ASB6: variants seen among roughly 807,000 people sequenced by gnomAD.
The protein encoded by ASB6 is ankyrin repeat and SOCS box containing 6, also known as ankyrin repeat and SOCS box protein 6.
In ASB6, 24 loss-of-function variants were observed where a neutral mutation model predicts 28.6. That is an observed-to-expected ratio of 0.84 (90% CI 0.61 to 1.18). ASB6 has a LOEUF of 1.18. ASB6 is among the 50% of genes most tolerant of loss of function. The probability of loss-of-function intolerance (pLI) is 0.00; values close to 1 mark genes in which losing one functional copy is unlikely to be tolerated. For missense variants in ASB6, 519 were observed against 559.8 expected, an observed-to-expected ratio of 0.93 and a Z score of 0.74; for synonymous variants, 267 against 243.4, an observed-to-expected ratio of 1.10 and a Z score of -0.90.
rs1302801309 is a variant in ASB6 at position 129,636,927 on chromosome 9, A to C, written c.*863T>G. The C allele has an allele frequency of 2.0e-5, 3 of 152,282 alleles. No individual in the cohort carries two copies. The highest frequency in any genetic ancestry group is 2.1e-4 in the South Asian group (1 of 4,830). The allele number at this position is 152,282 out of a possible 1,614,324, so 9.4% of individuals were successfully genotyped here. The stretch of plus-strand genomic sequence containing the variant: ...GAAAGTCAGTTTAATCTTATAATAT[A>C]AATATATCATTTAGTCACCTCAGCT... On this transcript the variant is annotated 3_prime_UTR_variant, in exon 6 of 6. Coordinates refer to ENST00000277458, the MANE Select transcript of ASB6 (RefSeq NM_017873.4).
rs1831599529 is a variant in ASB6 at position 129,638,067 on chromosome 9, A to G, written c.989T>C (p.Leu330Pro). The G allele has an allele frequency of 1.2e-6, 2 of 1,614,218 alleles. No individual in the cohort carries two copies. Among genetic ancestry groups the G allele is most frequent in the Non-Finnish European group, 1.7e-6 (2 of 1,180,040 alleles). ...ADLLRKAETV[L>P]DLMVTNSQKL... The stretch of plus-strand genomic sequence containing the variant: ...CTGAGAGTTGGTCACCATGAGATCC[A>G]GGACAGTCTCAGCTTTGCGCAGGAG... The change falls in exon 6 of 6, where the codon CTG (leucine) becomes CCG (proline). Residue 330 changes from leucine to proline, a missense_variant. Leu to Pro is a moderately conservative substitution (Grantham distance 98). Coordinates refer to ENST00000277458, the MANE Select transcript of ASB6 (RefSeq NM_017873.4).
chr9:129,641,481 A>G (rs1481087760), intron 1 of ASB6, among the ~76,000 whole-genome samples: 3 of 152,220 alleles, frequency 2.0e-5, no homozygotes, highest in Non-Finnish European at 4.4e-5. Context: ...CTGCAGGTCC[A>G]CGACAGACCA....
Position 129,635,788 on chromosome 9 carries a change from C to G in ASB6, c.*2002G>C, listed in dbSNP as rs935602332. The G allele has an allele frequency of 7.6e-6, 2 of 261,594 alleles. No individual in the cohort carries two copies. Among genetic ancestry groups the G allele is most frequent in the African/African-American group, 2.2e-5 (1 of 44,668 alleles). 16.2% of individuals were successfully genotyped at this position (261,594 alleles called of 1,614,324 possible). On this transcript the variant is annotated 3_prime_UTR_variant, in exon 6 of 6. Transcript: ENST00000277458. ...ATCAGTAACCGATTCCCTGGGCCTC[C>G]AGCCCGGCCTTCCAGCCATGGGCCT...
At position 129,641,873 on chromosome 9, in the gene ASB6, A is replaced by T. The variant is rs199666767; in HGVS notation, c.113+14T>A. ...GGAGCGGCCTCGGCCAGCTCACGGG[A>T]GGGGGTGAGTTACCGGTCCAGAGAC... On this transcript the variant is annotated intron_variant, in intron 1 of 5. Coordinates refer to ENST00000277458, the MANE Select transcript of ASB6 (RefSeq NM_017873.4). The T allele has an allele frequency of 1.9e-3, 2,990 of 1,579,906 alleles. 10 individuals are homozygous for T. The highest frequency in any genetic ancestry group is 3.2e-3 in the Admixed American group (184 of 56,820).
At chr9:129,639,069 C>G (rs1183719050) in intron 4 of ASB6, 133 bp downstream of exon 4, 18 of 887,546 alleles carry the variant, frequency 2.0e-5, no homozygotes, top group Non-Finnish European at 3.1e-5. Flanking sequence ...CCCTGTGTGC[C>G]CAGCCATGCT....
chr9:129,641,931 G>A lies in ASB6; in HGVS notation c.69C>T (p.Gly23=). 6.2e-7 allele frequency: 1 copy of A among 1,602,424 alleles called. No individual in the cohort carries two copies. Residue 23 remains glycine, a synonymous_variant, in exon 1 of 6, where the codon GGC becomes GGT. Coordinates refer to ENST00000277458, the MANE Select transcript of ASB6 (RefSeq NM_017873.4). The part of the protein sequence containing the change: ...EYQPLVDAIL[G]SLGIQDPERQ... Reference sequence around the variant, plus strand: ...GCTCGGGGTCCTGGATCCCCAGGGAGCCCAGAATCGCATCCACCAGCGGCT... The same window carrying A: ...GCTCGGGGTCCTGGATCCCCAGGGAACCCAGAATCGCATCCACCAGCGGCT...
In ASB6 at chr9:129,638,207, G is replaced by C. The variant is rs200686880; in HGVS notation, c.849C>G (p.Ser283=). Residue 283 remains serine (S), a synonymous_variant, in exon 6 of 6, where the codon TCC becomes TCG. Coordinates refer to ENST00000277458, the MANE Select transcript of ASB6 (RefSeq NM_017873.4). ...GCAGGGAGCAGTTGTAGGCGGCTCC[G>C]GACTCCAGGAGGAAGCGCAGGAGAG... is the stretch of plus-strand genomic sequence containing the variant. ...HFPLLRFLLE[S]GAAYNCSLHG... 2 of 1,613,324 alleles carry C rather than the reference G, an allele frequency of 1.2e-6. No individual in the cohort carries two copies. The highest frequency in any genetic ancestry group is 1.7e-5 in the Admixed American group (1 of 59,980).
rs368268406 is a variant in ASB6, at chr9:129,640,585, G to A, written c.251C>T (p.Ala84Val). Reference protein sequence around the residue: ...LKMAELGLTRAADVLLRHGAN... With the variant: ...LKMAELGLTRVADVLLRHGAN... The stretch of plus-strand genomic sequence containing the variant: ...CCCATGCCGCAAGAGAACGTCGGCC[G>A]CCCGCGTCAGCCCCAGCTCAGCCAT... The change falls in exon 2 of 6, where the codon GCG becomes GTG. Residue 84 changes from alanine to valine, a missense_variant. Ala to Val is a moderately conservative substitution (Grantham distance 64). Transcript: ENST00000277458. The A allele has an allele frequency of 6.8e-6, 11 of 1,612,244 alleles. No individual in the cohort carries two copies. The African/African-American group carries it at 1.3e-4, about 20-fold the overall frequency.
At position 129,639,425 on chromosome 9, in the gene ASB6, C is replaced by CCCCG. The variant is rs1225219188; in HGVS notation, c.375_378dup (p.Ala127ArgfsTer5). On this transcript the variant is annotated frameshift_variant, in exon 3 of 6. Coordinates refer to ENST00000277458, the MANE Select transcript of ASB6 (RefSeq NM_017873.4). LOFTEE classifies it high-confidence loss of function. The stretch of plus-strand genomic sequence containing the variant: ...ACCCGGTCCCTCCGATTAACGTCGG[C>CCCCG]CCCGTGATGCACCAGCAGCTCCACC... 6.2e-7 allele frequency: 1 copy of CCCCG among 1,613,340 alleles called. No individual in the cohort carries two copies. Among genetic ancestry groups the CCCCG allele is most frequent in the South Asian group, 1.1e-5 (1 of 90,994 alleles).
In ASB6 at chr9:129,639,208, T is replaced by G; in HGVS notation, c.505A>C (p.Lys169Gln). Residue 169 changes from lysine to glutamine, a missense_variant, in exon 4 of 6, where the codon AAG (lysine) becomes CAG (glutamine). Coordinates refer to ENST00000277458, the MANE Select transcript of ASB6 (RefSeq NM_017873.4). Reference sequence around the variant, plus strand: ...TCCTGCAGGAGGCACCCACCATGCTTGTCAGCGGCATTGACATCAGCTCCA... The same window carrying G: ...TCCTGCAGGAGGCACCCACCATGCTGGTCAGCGGCATTGACATCAGCTCCA... ...DLGADVNAAD[K>Q]HGKTALLHAL... 6.2e-7 allele frequency: 1 copy of G among 1,606,644 alleles called. No individual in the cohort carries two copies. The highest frequency in any genetic ancestry group is 8.5e-7 in the Non-Finnish European group (1 of 1,176,508).
rs1174104655 is a variant in ASB6, at chr9:129,640,588, C to T, written c.248G>A (p.Arg83Gln). ...ATGCCGCAAGAGAACGTCGGCCGCC[C>T]GCGTCAGCCCCAGCTCAGCCATCTT... ...LLKMAELGLT[R>Q]AADVLLRHGA... The change falls in exon 2 of 6, where the codon CGG becomes CAG. Residue 83 changes from arginine (R) to glutamine (Q), a missense_variant. By Grantham distance (43) the Arg-to-Gln change is conservative (BLOSUM62 1). Coordinates refer to ENST00000277458, the MANE Select transcript of ASB6 (RefSeq NM_017873.4). The T allele has an allele frequency of 4.3e-6, 7 of 1,612,782 alleles. No individual in the cohort carries two copies. Among genetic ancestry groups the T allele is most frequent in the South Asian group, 1.1e-5 (1 of 90,972 alleles).
intron 2 of ASB6, among the ~76,000 whole-genome samples, chr9:129,639,940 G>A (rs530118647): frequency 2.0e-5 from 3 of 152,294 alleles, no homozygotes; most frequent in Admixed American, 1.3e-4. Context: ...CTCCAAGCCC[G>A]TCTTCGGATG....
At position 129,640,617 on chromosome 9, in the gene ASB6, C is replaced by G; in HGVS notation, c.219G>C (p.Leu73=). 1 of 1,613,972 alleles carries G rather than the reference C, an allele frequency of 6.2e-7. No homozygotes were observed. The change falls in exon 2 of 6, where the codon CTG becomes CTC. Residue 73 remains leucine (L), a synonymous_variant. Transcript: ENST00000277458. Reference sequence around the variant, plus strand: ...TCAGCCCCAGCTCAGCCATCTTGAGCAGGGCGTTGCTCACGCCTTCCTGGT... The same window carrying G: ...TCAGCCCCAGCTCAGCCATCTTGAGGAGGGCGTTGCTCACGCCTTCCTGGT... The part of the protein sequence containing the change: ...PFYQEGVSNA[L]LKMAELGLTR...
rs763659388 is a variant in ASB6 at position 129,638,115 on chromosome 9, G to A, written c.941C>T (p.Thr314Met). 30 of 1,614,004 alleles carry A rather than the reference G, an allele frequency of 1.9e-5. No homozygotes were observed. In the Middle Eastern group the frequency reaches 4.9e-4, roughly 27 times the overall value. ...GAGGTCCGCATGGCTCTCGTCTTCC[G>A]TGCAGCCTGGGTGGGAACAGAGCCT... ...FERLCSHPGCTEDESHADLLR... is the reference protein window; with the variant it reads ...FERLCSHPGCMEDESHADLLR... The change falls in exon 6 of 6, where the codon ACG (threonine) becomes ATG (methionine). Residue 314 changes from threonine to methionine, a missense_variant. Physicochemically the swap from Thr to Met is moderately conservative, Grantham distance 81 (BLOSUM62 -1). Transcript: ENST00000277458.
At position 129,639,386 on chromosome 9, in the gene ASB6, T is replaced by C. The variant is rs1588150410; in HGVS notation, c.402+16A>G. 3 of 1,603,510 alleles carry C rather than the reference T, an allele frequency of 1.9e-6. No individual in the cohort carries two copies. In the South Asian group the frequency reaches 3.3e-5, roughly 18 times the overall value. ...TGCCCAACCCTGCTTCAAAGCAAGCTGGACCTGGCACTTACCCGGTCCCTC... is the reference window on the plus strand; with the variant it reads ...TGCCCAACCCTGCTTCAAAGCAAGCCGGACCTGGCACTTACCCGGTCCCTC... On this transcript the variant is annotated intron_variant, in intron 3 of 5. Coordinates refer to ENST00000277458, the MANE Select transcript of ASB6 (RefSeq NM_017873.4).
chr9:129,635,170 G>A lies in ASB6; in HGVS notation c.*2620C>T, dbSNP rs1000035606. 7 of 1,586,762 alleles carry A rather than the reference G, an allele frequency of 4.4e-6. No homozygotes were observed. The African/African-American group carries it at 8.0e-5, about 18-fold the overall frequency. On this transcript the variant is annotated 3_prime_UTR_variant, in exon 6 of 6. Transcript: ENST00000277458. ...TCCCATCCAGTGCCGACATCCGCTT[G>A]CATGGTGCCCTGGTAACCTTGCCTC...
chr9:129,640,857 G>C, intron 1 of ASB6, 135 bp from the exon 2 acceptor site: 1 of 1,077,026 alleles, frequency 9.3e-7, no homozygotes, highest in Non-Finnish European at 1.3e-6. Context: ...CAGGGGCTTG[G>C]GGGAAGCTCT....
Position 129,638,021 on chromosome 9 carries a change from G to A in ASB6, c.1035C>T (p.Asn345=), listed in dbSNP as rs2119008304. The change falls in exon 6 of 6, where the codon AAC becomes AAT. Residue 345 remains asparagine, a synonymous_variant. Transcript: ENST00000277458. ...GGCTGCCCACAGGGTGGATATCGAAGTTTTCGGGCAGCTGGAGTTTCTGAG... is the reference window on the plus strand; with the variant it reads ...GGCTGCCCACAGGGTGGATATCGAAATTTTCGGGCAGCTGGAGTTTCTGAG... ...TNSQKLQLPE[N]FDIHPVGSLA... 1.9e-6 allele frequency: 3 copies of A among 1,614,116 alleles called. No homozygotes were observed. Among genetic ancestry groups the A allele is most frequent in the Non-Finnish European group, 1.7e-6 (2 of 1,179,972 alleles).
chr9:129,635,253 A>G lies in ASB6; in HGVS notation c.*2537T>C, dbSNP rs777594770. On this transcript the variant is annotated 3_prime_UTR_variant, in exon 6 of 6. Coordinates refer to ENST00000277458, the MANE Select transcript of ASB6 (RefSeq NM_017873.4). Reference sequence around the variant, plus strand: ...CTGGCCGAGTTCCTGCGGCGCTGCAAGGGCAGCCTCCGCCCCAACGGCATC... The same window carrying G: ...CTGGCCGAGTTCCTGCGGCGCTGCAGGGGCAGCCTCCGCCCCAACGGCATC... 1.9e-5 allele frequency: 31 copies of G among 1,612,964 alleles called. No individual in the cohort carries two copies. The highest frequency in any genetic ancestry group is 2.5e-5 in the Non-Finnish European group (29 of 1,180,018).
Sources: allele counts gnomAD v4.1 joint callset (sites outside exome capture counted in the v4.1 genomes callset), GRCh38; gene constraint gnomAD v4.1.1; transcripts MANE v1.5; gene names NCBI Gene and HGNC (gene_info 2026-07-23, HGNC 2026-07-21).